The following DLGAP1 variants were observed in gnomAD, a reference collection of about 807,000 sequenced individuals.
The protein encoded by DLGAP1 is DLG associated protein 1.
DLGAP1 carries 11 observed loss-of-function variants against 90.8 expected under a neutral mutation model. The observed-to-expected ratio is 0.12, with a 90% CI of 0.08 to 0.20. DLGAP1 has a LOEUF of 0.20. Among genes scored for constraint, DLGAP1 ranks in the 10% least tolerant of loss-of-function variants. DLGAP1 has a pLI of 1.00. For synonymous variants in DLGAP1, 558 were observed against 540.7 expected (o/e 1.03, Z -0.44); for missense variants, 1,050 against 1,333.8 (o/e 0.79, Z 3.31).
chr18:3,704,186 G>A (rs2147152819), intron 7 of DLGAP1, among the ~76,000 whole-genome samples: 1 of 152,344 alleles, frequency 6.6e-6, no homozygotes, highest in East Asian at 1.9e-4. Flanking sequence ...ACATGCCAGG[G>A]ACCCCAGAGG....
intron 2 of DLGAP1, among the ~76,000 whole-genome samples, chr18:4,143,539 G>T (rs971301323): frequency 5.3e-5 from 8 of 151,802 alleles, no homozygotes; most frequent in African/African-American, 1.9e-4. Context: ...CCCAGGGAAG[G>T]TCCAGAAATG....
intron 3 of DLGAP1, among the ~76,000 whole-genome samples, chr18:3,898,375 A>C (rs567056764): frequency 6.6e-6 from 1 of 152,318 alleles, no homozygotes; most frequent in Admixed American, 6.5e-5. Context: ...ATCCCACTTA[A>C]TTATCACAGC....
intron 1 of DLGAP1, among the ~76,000 whole-genome samples, chr18:4,428,205 C>A (rs1326425981): frequency 6.6e-6 from 1 of 152,112 alleles, no homozygotes; most frequent in Non-Finnish European, 1.5e-5. Context: ...ATCATGGGGG[C>A]AGTTTCTCCT....
At chr18:4,075,330 A>G (rs1387191638) in intron 2 of DLGAP1, among the ~76,000 whole-genome samples, 1 of 152,194 alleles carries the variant, frequency 6.6e-6, no homozygotes, top group Non-Finnish European at 1.5e-5. Flanking sequence ...CTTTCTCTAC[A>G]GTGTAAAAAG....
chr18:4,114,044 T>C (rs1188422288), intron 2 of DLGAP1, among the ~76,000 whole-genome samples: 17 of 147,972 alleles, frequency 1.1e-4, no homozygotes, highest in Non-Finnish European at 5.9e-5. Flanking sequence ...TTGAGTAATG[T>C]GATGCCTCTG....
At position 3,600,749 on chromosome 18, in the gene DLGAP1, T is replaced by TATATAGATATATATAG. The variant is rs1568277663; in HGVS notation, c.1592-18502_1592-18501insCTATATATATCTATAT. Among the ~76,000 whole-genome samples, 62 of 12,922 alleles carry TATATAGATATATATAG rather than the reference T, an allele frequency of 4.8e-3. 9 individuals carry two copies. Among genetic ancestry groups the TATATAGATATATATAG allele is most frequent in the South Asian group, 5.9e-3 (3 of 510 alleles). 8.5% of individuals were successfully genotyped at this position (12,922 alleles called of 152,430 possible). A position where few individuals can be genotyped will look rare whatever the true frequency, so the allele number is the denominator to read the frequency against. Reference sequence around the variant, plus strand: ...ATATAGATATATATAGATATATAGATATATATAGATATATAGATATATATA... The same window carrying TATATAGATATATATAG: ...ATATAGATATATATAGATATATAGATATATAGATATATATAGATATATAGATATATAGATATATATA... On this transcript the variant is annotated intron_variant, in intron 7 of 12. Transcript: ENST00000315677.
intron 5 of DLGAP1, among the ~76,000 whole-genome samples, chr18:3,749,036 G>C (rs1262489007): frequency 6.6e-6 from 1 of 151,874 alleles, no homozygotes; most frequent in African/African-American, 2.4e-5. Context: ...AGATCACATA[G>C]TGTTGAAGGT....
chr18:3,840,615 C>T (rs1444990953), intron 4 of DLGAP1, among the ~76,000 whole-genome samples: 1 of 152,190 alleles, frequency 6.6e-6, no homozygotes, highest in African/African-American at 2.4e-5. Flanking sequence ...AGGTAACATC[C>T]TCAGTTTCCT....
At chr18:3,870,961 C>A (rs1343444674) in intron 4 of DLGAP1, among the ~76,000 whole-genome samples, 2 of 152,210 alleles carry the variant, frequency 1.3e-5, no homozygotes, top group African/African-American at 2.4e-5. Context: ...TTTAGTTAAT[C>A]TTTGCCTCTT....
At chr18:3,700,786 C>T (rs1041467674) in intron 7 of DLGAP1, among the ~76,000 whole-genome samples, 1 of 151,880 alleles carries the variant, frequency 6.6e-6, no homozygotes, top group Admixed American at 6.6e-5. Flanking sequence ...ATTTTTTGTA[C>T]TTTTGGTAAA....
chr18:4,311,580 T>C lies in DLGAP1; in HGVS notation c.-267+143426A>G, dbSNP rs576798020. Among the ~76,000 whole-genome samples the C allele has an allele frequency of 2.0e-5, 3 of 152,332 alleles. No homozygotes were observed. In the East Asian group the frequency reaches 5.8e-4, roughly 29 times the overall value. ...TTTCTTCTTGAGATTTTTATATTGA[T>C]TCCAATGCTAGAAATTATAGGCCAT... On this transcript the variant is annotated intron_variant, in intron 1 of 12. Coordinates refer to ENST00000315677, the MANE Select transcript of DLGAP1 (RefSeq NM_004746.4).
intron 2 of DLGAP1, among the ~76,000 whole-genome samples, chr18:4,107,401 G>A (rs10401115): frequency 0.59 from 88,994 of 151,998 alleles, 26,289 homozygotes; most frequent in Middle Eastern, 0.68. Flanking sequence ...GAAGAATACC[G>A]ACCCTCCTCT....
At position 3,994,545 on chromosome 18, in the gene DLGAP1, G is replaced by A. The variant is rs572785475; in HGVS notation, c.-73+10571C>T. Among the ~76,000 whole-genome samples the A allele has an allele frequency of 2.6e-5, 4 of 152,340 alleles. No individual in the cohort carries two copies. In the South Asian group the frequency reaches 6.2e-4, roughly 24 times the overall value. ...TCAAACCTGATAGAAGCTGAGAGGA[G>A]CTGAAATTTCGAGTTGCAGAAACCT... On this transcript the variant is annotated intron_variant, in intron 3 of 12. Coordinates refer to ENST00000315677, the MANE Select transcript of DLGAP1 (RefSeq NM_004746.4).
chr18:4,186,837 T>A (rs1237142121), intron 1 of DLGAP1, among the ~76,000 whole-genome samples: 1 of 152,206 alleles, frequency 6.6e-6, no homozygotes, highest in East Asian at 1.9e-4. Flanking sequence ...TAGTATTGAA[T>A]CTGTAAATTG....
At chr18:3,957,961 T>C (rs970808865) in intron 3 of DLGAP1, among the ~76,000 whole-genome samples, 12 of 150,902 alleles carry the variant, frequency 8.0e-5, no homozygotes, top group African/African-American at 2.9e-4. Context: ...TGGTGTGATC[T>C]CGGCTCACTG....
intron 1 of DLGAP1, among the ~76,000 whole-genome samples, chr18:4,377,626 T>C (rs972151343): frequency 2.6e-5 from 4 of 152,158 alleles, no homozygotes; most frequent in South Asian, 2.1e-4. Flanking sequence ...TGTCCTTATA[T>C]TATGACATGT....
At chr18:4,114,028 T>C (rs2076018561) in intron 2 of DLGAP1, among the ~76,000 whole-genome samples, 1 of 151,456 alleles carries the variant, frequency 6.6e-6, no homozygotes, top group Non-Finnish European at 1.5e-5. Context: ...ATAGTATAGT[T>C]TGAAGTTGAG....
rs537798587 is a variant in DLGAP1 at position 4,407,839 on chromosome 18, C to A, written c.-267+47167G>T. On this transcript the variant is annotated intron_variant, in intron 1 of 12. Transcript: ENST00000315677. Reference sequence around the variant, plus strand: ...GGGAGGTTGCAGTGAGCCGAGATTACGCCAGAGTGAGACTCAGTCTCTAAA... The same window carrying A: ...GGGAGGTTGCAGTGAGCCGAGATTAAGCCAGAGTGAGACTCAGTCTCTAAA... Among the ~76,000 whole-genome samples the A allele has an allele frequency of 3.3e-5, 5 of 151,218 alleles. No individual in the cohort carries two copies. In the East Asian group the frequency reaches 7.9e-4, roughly 24 times the overall value.
intron 7 of DLGAP1, among the ~76,000 whole-genome samples, chr18:3,632,259 G>T (rs2058551977): frequency 6.7e-6 from 1 of 150,160 alleles, no homozygotes; most frequent in African/African-American, 2.4e-5. Flanking sequence ...TTCATTTGAG[G>T]GTGTCTTTAT....
Sources: allele counts gnomAD v4.1 joint callset (sites outside exome capture counted in the v4.1 genomes callset), GRCh38; gene constraint gnomAD v4.1.1; transcripts MANE v1.5; gene names NCBI Gene and HGNC (gene_info 2026-07-23, HGNC 2026-07-21).